Variants in YBEY observed in about 807,000 individuals in gnomAD.
YBEY encodes the protein ybeY metalloendoribonuclease, also known as endoribonuclease YbeY.
In YBEY, 15 loss-of-function variants were observed where a neutral mutation model predicts 13.5. The observed-to-expected ratio is 1.11, with a 90% CI of 0.75 to 1.72. YBEY has a LOEUF of 1.72. YBEY is among the 40% of genes most tolerant of loss of function. The pLI, the probability that YBEY is intolerant of heterozygous loss-of-function variation, is 0.00. For synonymous variants in YBEY, 101 were observed against 83.1 expected, an observed-to-expected ratio of 1.21 and a Z score of -1.17; for missense variants, 244 against 208.4, an observed-to-expected ratio of 1.17 and a Z score of -1.05.
chr21:46,291,536 C>T (rs944281406), intron 3 of YBEY, 74 bp downstream of exon 3: 3 of 1,591,132 alleles, frequency 1.9e-6, no homozygotes, highest in Non-Finnish European at 2.6e-6. Context: ...AGATCACAAC[C>T]CTGCATCCAT....
At chr21:46,289,232 C>G (rs1212329910) in intron 2 of YBEY, among the ~76,000 whole-genome samples, 1 of 152,004 alleles carries the variant, frequency 6.6e-6, no homozygotes, top group African/African-American at 2.4e-5. Flanking sequence ...TGATTTAACT[C>G]TGTAGAAGTT....
the YBEY span, among the ~76,000 whole-genome samples, chr21:46,309,056 C>T: frequency 2.0e-5 from 3 of 152,182 alleles, no homozygotes; most frequent in Admixed American, 1.3e-4. Flanking sequence ...CAGTGGCTCA[C>T]GCCTGTAATC....
chr21:46,295,275 G>C (rs1366844581), intron 3 of YBEY, among the ~76,000 whole-genome samples: 1 of 151,974 alleles, frequency 6.6e-6, no homozygotes, highest in Non-Finnish European at 1.5e-5. Flanking sequence ...GGCCAGCTCT[G>C]CTCAGGGCTG....
In YBEY at chr21:46,289,441, G is replaced by GTTTTTTTTTTTTTTTTTTTTTTT. The variant is rs773002446; in HGVS notation, c.211-1889_211-1888insTTTTTTTTTTTTTTTTTTTTTTT. The stretch of plus-strand genomic sequence containing the variant: ...TTCAGGGAGGTAAAGGAAGGCAAGG[G>GTTTTTTTTTTTTTTTTTTTTTTT]TTTTGTTTTTTTTTTTTTTTTTGAG... On this transcript the variant is annotated intron_variant, in intron 2 of 4. Transcript: ENST00000397701. 1.5e-5 allele frequency among the ~76,000 whole-genome samples: 2 copies of GTTTTTTTTTTTTTTTTTTTTTTT among 136,516 alleles called. 1 individual carries two copies. The highest frequency in any genetic ancestry group is 3.1e-5 in the Non-Finnish European group (2 of 63,836). 89.6% of individuals were successfully genotyped at this position (136,516 alleles called of 152,430 possible).
At chr21:46,304,028 T>G in the YBEY span, among the ~76,000 whole-genome samples, 16 of 110,018 alleles carry the variant, frequency 1.5e-4, no homozygotes, top group Non-Finnish European at 2.1e-4. Context: ...TGGTTTTTTT[T>G]TTTTTTTTTT....
At chr21:46,304,027 T>A in the YBEY span, among the ~76,000 whole-genome samples, 1 of 108,860 alleles carries the variant, frequency 9.2e-6, no homozygotes, top group Non-Finnish European at 1.9e-5. Context: ...CTGGTTTTTT[T>A]TTTTTTTTTT....
intron 2 of YBEY, among the ~76,000 whole-genome samples, chr21:46,290,535 A>C (rs1478225296): frequency 6.6e-6 from 1 of 152,050 alleles, no homozygotes; most frequent in African/African-American, 2.4e-5. Flanking sequence ...GAAACAATTT[A>C]GGGCACTTGT....
chr21:46,301,699 T>C, downstream of YBEY: 1 of 1,164,390 alleles, frequency 8.6e-7, no homozygotes, highest in African/African-American at 1.6e-5. Flanking sequence ...GGCTCCCAGG[T>C]GGGCCGGCGC....
At chr21:46,297,839 G>GCC, downstream of YBEY, 2 of 1,155,782 alleles carry the variant, frequency 1.7e-6, no homozygotes, top group African/African-American at 1.6e-5. Context: ...GGAACGCGTG[G>GCC]CCCCCGCCCG....
chr21:46,309,335 G>A, the YBEY span, among the ~76,000 whole-genome samples: 4 of 151,988 alleles, frequency 2.6e-5, no homozygotes, highest in African/African-American at 7.2e-5. Flanking sequence ...GGTGGCAGGC[G>A]CCTGTAATCC....
At chr21:46,291,023 A>AG in intron 2 of YBEY, among the ~76,000 whole-genome samples, 1 of 150,040 alleles carries the variant, frequency 6.7e-6, no homozygotes. Flanking sequence ...TCTCAGGAAA[A>AG]AAAAAAAAAA....
rs1286788146 is a variant in YBEY, at chr21:46,287,041, A to G, written c.128A>G (p.Asp43Gly). ...QKFDLGIICV[D>G]NKNIQHINRI... Reference sequence around the variant, plus strand: ...TTTGACCTGGGGATCATCTGTGTTGACAACAAGAATATTCAGCACATTAAT... The same window carrying G: ...TTTGACCTGGGGATCATCTGTGTTGGCAACAAGAATATTCAGCACATTAAT... The change falls in exon 2 of 5, where the codon GAC (aspartate) becomes GGC (glycine). Residue 43 changes from aspartate (D) to glycine (G), a missense_variant. Physicochemically the swap from Asp to Gly is moderately conservative, Grantham distance 94. Coordinates refer to ENST00000397701, the MANE Select transcript of YBEY (RefSeq NM_001314025.2). 1 of 1,614,110 alleles carries G rather than the reference A, an allele frequency of 6.2e-7. No individual in the cohort carries two copies. Among genetic ancestry groups the G allele is most frequent in the East Asian group, 2.2e-5 (1 of 44,876 alleles).
At chr21:46,298,094 G>C (rs1416168059), downstream of YBEY, among the ~76,000 whole-genome samples, 1 of 152,250 alleles carries the variant, frequency 6.6e-6, no homozygotes, top group African/African-American at 2.4e-5. Flanking sequence ...TGGTTCCCCG[G>C]GGCCTCCCGG....
downstream of YBEY, chr21:46,302,108 CT>C: frequency 6.5e-7 from 1 of 1,528,086 alleles, no homozygotes. Flanking sequence ...GGCAGGCAGC[CT>C]TGGCCTGGCA....
chr21:46,296,072 A>T, intron 3 of YBEY, 90 bp from the exon 4 acceptor site: 1 of 1,441,478 alleles, frequency 6.9e-7, no homozygotes, highest in Non-Finnish European at 9.7e-7. Context: ...GCAGCCACAT[A>T]CCAAGAGCAG....
chr21:46,311,647 C>A, the YBEY span: 1 of 761,836 alleles, frequency 1.3e-6, no homozygotes, highest in South Asian at 2.3e-5. Context: ...ATCCATCCAC[C>A]CACCCATCCA....
chr21:46,295,521 C>A (rs2081922343), intron 3 of YBEY, among the ~76,000 whole-genome samples: 1 of 152,110 alleles, frequency 6.6e-6, no homozygotes, highest in Non-Finnish European at 1.5e-5. Flanking sequence ...CAGCTCTGGG[C>A]TCCATCCGGG....
At chr21:46,303,741 ATATATTTTTTTT>A in the YBEY span, among the ~76,000 whole-genome samples, 274 of 24,156 alleles carry the variant, frequency 0.011, 1 homozygote, top group Middle Eastern at 0.038. Context: ...ATATATATAT[ATATATTTTTTTT>A]TTTTTTTTTT....
At chr21:46,307,806 C>A in the YBEY span, among the ~76,000 whole-genome samples, 1 of 152,162 alleles carries the variant, frequency 6.6e-6, no homozygotes, top group Non-Finnish European at 1.5e-5. Flanking sequence ...CCTAGACTAC[C>A]AATTCCATTA....
Sources: gnomAD v4.1 joint callset for allele counts (sites outside exome capture counted in the v4.1 genomes callset) on GRCh38, gnomAD v4.1.1 for gene constraint, MANE v1.5 for transcripts, NCBI Gene and HGNC (gene_info 2026-07-23, HGNC 2026-07-21) for gene names.